The following TNS4 variants were observed in gnomAD, a reference collection of about 807,000 sequenced individuals.
TNS4 encodes the protein tensin 4, also known as tensin-4.
TNS4 carries 46 observed loss-of-function variants against 70.4 expected under a neutral mutation model. The observed-to-expected ratio is 0.65, with a 90% CI of 0.52 to 0.84. The LOEUF (loss-of-function observed/expected upper bound fraction) is 0.84. TNS4 is among the 40% of genes least tolerant of loss of function. TNS4 has a pLI of 0.00. For missense variants in TNS4, 863 were observed against 907.0 expected, an observed-to-expected ratio of 0.95 and a Z score of 0.62; for synonymous variants, 390 against 366.6, an observed-to-expected ratio of 1.06 and a Z score of -0.73.
In TNS4 at chr17:40,492,826, G is replaced by A. The variant is rs187276571; in HGVS notation, c.439+3161C>T. 8.6e-4 allele frequency among the ~76,000 whole-genome samples: 130 copies of A among 151,988 alleles called. 1 individual carries two copies. The highest frequency in any genetic ancestry group is 2.9e-3 in the African/African-American group (121 of 41,462). On this transcript the variant is annotated intron_variant, in intron 2 of 12. Transcript: ENST00000254051. ...CCAAGGTGGGCGAATCACCGAGGTG[G>A]ACGAGGTCAAGAGTTCAAGACCAGC...
intron 1 of TNS4, among the ~76,000 whole-genome samples, chr17:40,498,495 G>A (rs964651242): frequency 1.2e-4 from 19 of 152,184 alleles, no homozygotes; most frequent in African/African-American, 3.9e-4. Flanking sequence ...GTTTACATAC[G>A]AATTACATTG....
In TNS4 at chr17:40,487,058, G is replaced by A; in HGVS notation, c.1266C>T (p.Ala422=). The A allele has an allele frequency of 6.2e-7, 1 of 1,614,126 alleles. No homozygotes were observed. Among genetic ancestry groups the A allele is most frequent in the Non-Finnish European group, 8.5e-7 (1 of 1,180,002 alleles). ...TRSNSQTLSD[A]PFTTCPEGPA... Reference sequence around the variant, plus strand: ...TACCCTCTGGGCATGTGGTAAAGGGGGCATCTGACAGGGTCTGGCTGTTGC... The same window carrying A: ...TACCCTCTGGGCATGTGGTAAAGGGAGCATCTGACAGGGTCTGGCTGTTGC... Residue 422 remains alanine (A), a synonymous_variant, in exon 4 of 13, where the codon GCC becomes GCT. Coordinates refer to ENST00000254051, the MANE Select transcript of TNS4 (RefSeq NM_032865.6).
chr17:40,493,342 C>T (rs1039761671), intron 2 of TNS4, among the ~76,000 whole-genome samples: 1 of 152,272 alleles, frequency 6.6e-6, no homozygotes, highest in African/African-American at 2.4e-5. Flanking sequence ...TGTAAAATGG[C>T]AGGGGATCCT....
rs2035857692 is a variant in TNS4, at chr17:40,477,147, G to A, written c.*441C>T. ...GACCATCACCAGCTGCAAGCCAGGA[G>A]CCCCGTGGGTCACCGCCAGGCACCT... is the stretch of plus-strand genomic sequence containing the variant. On this transcript the variant is annotated 3_prime_UTR_variant, in exon 13 of 13. Coordinates refer to ENST00000254051, the MANE Select transcript of TNS4 (RefSeq NM_032865.6). The A allele has an allele frequency of 6.3e-6, 1 of 158,582 alleles. No homozygotes were observed. The highest frequency in any genetic ancestry group is 6.3e-5 in the Admixed American group (1 of 15,972). The allele number at this position is 158,582 out of a possible 1,614,324, so 9.8% of individuals were successfully genotyped here. A position where few individuals can be genotyped will look rare whatever the true frequency, so the allele number is the denominator to read the frequency against.
chr17:40,500,754 A>C (rs902277641), intron 1 of TNS4, among the ~76,000 whole-genome samples: 2 of 152,072 alleles, frequency 1.3e-5, no homozygotes, highest in Admixed American at 1.3e-4. Context: ...CCCAATCTCC[A>C]CTGCACCCCC....
chr17:40,478,739 T>G, intron 10 of TNS4, 91 bp from the exon 11 acceptor site: 1 of 1,432,036 alleles, frequency 7.0e-7, no homozygotes. Context: ...CAAGCTCAGG[T>G]GCCCTGTCCT....
In TNS4 at chr17:40,489,020, T is replaced by C. The variant is rs77909119; in HGVS notation, c.440-51A>G. ...GGTGAAATGCAGGAGCCTGGACTCATAGAACAGAGAGGCTGGAAGTATCCT... is the reference window on the plus strand; with the variant it reads ...GGTGAAATGCAGGAGCCTGGACTCACAGAACAGAGAGGCTGGAAGTATCCT... On this transcript the variant is annotated intron_variant, in intron 2 of 12. Coordinates refer to ENST00000254051, the MANE Select transcript of TNS4 (RefSeq NM_032865.6). 489 of 1,481,722 alleles carry C rather than the reference T, an allele frequency of 3.3e-4. 2 individuals carry two copies. In the African/African-American group the frequency reaches 6.1e-3, roughly 18 times the overall value. The allele number at this position is 1,481,722 out of a possible 1,614,324, so 91.8% of individuals were successfully genotyped here.
chr17:40,500,458 G>T (rs560387332), intron 1 of TNS4, among the ~76,000 whole-genome samples: 11 of 152,154 alleles, frequency 7.2e-5, no homozygotes, highest in Admixed American at 1.3e-4. Flanking sequence ...TGGGCCCGGG[G>T]CTCTGTGTGG....
intron 6 of TNS4, among the ~76,000 whole-genome samples, chr17:40,482,696 T>C (rs1393178542): frequency 6.6e-6 from 1 of 151,670 alleles, no homozygotes; most frequent in African/African-American, 2.4e-5. Context: ...GAGAATTGCT[T>C]GAACCTGGGA....
intron 2 of TNS4, among the ~76,000 whole-genome samples, chr17:40,493,837 G>A (rs558146182): frequency 8.5e-5 from 13 of 152,354 alleles, no homozygotes; most frequent in African/African-American, 2.9e-4. Context: ...ATTTGAGGAC[G>A]TTCCACAGGG....
Position 40,496,193 on chromosome 17 carries a change from C to G in TNS4, c.233G>C (p.Cys78Ser), listed in dbSNP as rs778971964. The change falls in exon 2 of 13, where the codon TGC becomes TCC. Residue 78 changes from cysteine to serine, a missense_variant. Coordinates refer to ENST00000254051, the MANE Select transcript of TNS4 (RefSeq NM_032865.6). ...CTTCTCACCAGGGGACGGCAGGAAG[C>G]AGGTGGCTTTGGCCTCCACCTGTGG... The part of the protein sequence containing the change: ...QAPQVEAKAT[C>S]FLPSPGEKAL... The G allele has an allele frequency of 3.1e-6, 5 of 1,606,508 alleles. No individual in the cohort carries two copies. The Admixed American group carries it at 8.5e-5, about 27-fold the overall frequency.
At position 40,482,217 on chromosome 17, in the gene TNS4, G is replaced by A. The variant is rs759036959; in HGVS notation, c.1595-11C>T. 1.9e-6 allele frequency: 3 copies of A among 1,614,182 alleles called. No homozygotes were observed. Among genetic ancestry groups the A allele is most frequent in the Non-Finnish European group, 1.7e-6 (2 of 1,180,020 alleles). On this transcript the variant is annotated splice_polypyrimidine_tract_variant and intron_variant, in intron 7 of 12. Coordinates refer to ENST00000254051, the MANE Select transcript of TNS4 (RefSeq NM_032865.6). ...AGGCAGAGAGGCTCCCTGAAAGGAA[G>A]CAAGCAGCCCTGCATGAGTAGAGCT...
intron 8 of TNS4, 125 bp downstream of exon 8, chr17:40,482,004 C>T: frequency 9.2e-7 from 1 of 1,087,506 alleles, no homozygotes. Context: ...TTGAGCGACT[C>T]CAGTGCACAC....
intron 1 of TNS4, among the ~76,000 whole-genome samples, chr17:40,499,515 T>C (rs1181615560): frequency 6.6e-6 from 1 of 152,228 alleles, no homozygotes; most frequent in African/African-American, 2.4e-5. Context: ...GGGGGCATGA[T>C]TGGCTGAAGG....
At position 40,482,121 on chromosome 17, in the gene TNS4, A is replaced by G. The variant is rs1459335253; in HGVS notation, c.1672+8T>C. On this transcript the variant is annotated splice_region_variant and intron_variant, in intron 8 of 12. Coordinates refer to ENST00000254051, the MANE Select transcript of TNS4 (RefSeq NM_032865.6). ...CCTTGGCATTGCCTCTTTGGGGCCC[A>G]GACCCACCTCTCTGTGGGATGGTGA... 6.2e-7 allele frequency: 1 copy of G among 1,613,998 alleles called. No individual in the cohort carries two copies. Among genetic ancestry groups the G allele is most frequent in the South Asian group, 1.1e-5 (1 of 91,072 alleles).
intron 5 of TNS4, 62 bp from the exon 6 acceptor site, chr17:40,484,671 C>T (rs1439955597): frequency 2.4e-5 from 39 of 1,598,752 alleles, no homozygotes; most frequent in African/African-American, 4.0e-5. Context: ...TCCCCAGCCC[C>T]GTAGGGTCTT....
At chr17:40,490,572 C>T (rs895688582) in intron 2 of TNS4, among the ~76,000 whole-genome samples, 2 of 152,172 alleles carry the variant, frequency 1.3e-5, no homozygotes, top group Non-Finnish European at 2.9e-5. Context: ...CAGCCTGCCC[C>T]AGCCCGCTCC....
chr17:40,484,349 T>A (rs1231913128), intron 6 of TNS4, 135 bp downstream of exon 6: 2 of 1,343,448 alleles, frequency 1.5e-6, no homozygotes, highest in Non-Finnish European at 2.0e-6. Context: ...AACACTGGGG[T>A]GGACGCTTCT....
intron 1 of TNS4, among the ~76,000 whole-genome samples, chr17:40,497,645 C>G (rs567315003): frequency 6.6e-6 from 1 of 152,156 alleles, no homozygotes; most frequent in East Asian, 1.9e-4. Context: ...GTAGAGGGGA[C>G]CATTTGTGCA....
Sources: gnomAD v4.1 joint callset for allele counts (sites outside exome capture counted in the v4.1 genomes callset) on GRCh38, gnomAD v4.1.1 for gene constraint, MANE v1.5 for transcripts, NCBI Gene and HGNC (gene_info 2026-07-23, HGNC 2026-07-21) for gene names.